Variants in UBXN2B observed in about 807,000 individuals in gnomAD.
UBXN2B encodes UBX domain-containing protein 2B.
UBXN2B carries 19 observed loss-of-function variants against 37.5 expected under a neutral mutation model. The observed-to-expected ratio is 0.51, with a 90% CI of 0.35 to 0.74. The LOEUF (loss-of-function observed/expected upper bound fraction) is 0.74. Ranked by LOEUF, UBXN2B falls within the 30% of genes least tolerant of loss-of-function variation. The probability of loss-of-function intolerance (pLI) is 0.01; values close to 1 mark genes in which losing one functional copy is unlikely to be tolerated. For synonymous variants in UBXN2B, 145 were observed against 143.8 expected, an observed-to-expected ratio of 1.01 and a Z score of -0.06; for missense variants, 370 against 393.2, an observed-to-expected ratio of 0.94 and a Z score of 0.50.
In UBXN2B at chr8:58,411,415, C is replaced by A. The variant is rs542303140; in HGVS notation, c.30C>A (p.Gly10=). 4 of 1,269,678 alleles carry A rather than the reference C, an allele frequency of 3.2e-6. No homozygotes were observed. Among genetic ancestry groups the A allele is most frequent in the East Asian group, 3.1e-5 (1 of 31,784 alleles). 78.7% of individuals were successfully genotyped at this position (1,269,678 alleles called of 1,614,324 possible). The stretch of plus-strand genomic sequence containing the variant: ...CGGAGGGCGGAGGCCCTGAGCCCGG[C>A]GAGCAGGAGAGGAGGTCTTCCGGGC... MAEGGGPEP[G]EQERRSSGPR... Residue 10 remains glycine, a synonymous_variant, in exon 1 of 8, where the codon GGC becomes GGA. Coordinates refer to ENST00000399598, the MANE Select transcript of UBXN2B (RefSeq NM_001077619.2).
rs146821159 is a variant in UBXN2B, at chr8:58,426,019, G to T, written c.189-4500G>T. ...ATTTCTCTGCTTCTTTCCCAGAGAG[G>T]TGTCCCTGAAACCACCTTTCAGAGG... On this transcript the variant is annotated intron_variant, in intron 2 of 7. Transcript: ENST00000399598. 506 of 1,430,144 alleles carry T rather than the reference G, an allele frequency of 3.5e-4. 4 individuals carry two copies. The East Asian group carries it at 8.8e-3, about 25-fold the overall frequency. 88.6% of individuals were successfully genotyped at this position (1,430,144 alleles called of 1,614,324 possible).
At chr8:58,439,276 C>G (rs1420769868) in intron 5 of UBXN2B, among the ~76,000 whole-genome samples, 2 of 152,192 alleles carry the variant, frequency 1.3e-5, no homozygotes, top group Non-Finnish European at 1.5e-5. Flanking sequence ...TCAGAACTTT[C>G]TCCGAGGAGT....
At chr8:58,424,249 G>T (rs1585601012) in intron 2 of UBXN2B, among the ~76,000 whole-genome samples, 1 of 148,970 alleles carries the variant, frequency 6.7e-6, no homozygotes, top group South Asian at 2.1e-4. Context: ...AAAAAAGCCT[G>T]TAACTAGAAT....
chr8:58,429,221 A>G (rs1370918551), intron 2 of UBXN2B, among the ~76,000 whole-genome samples: 1 of 152,166 alleles, frequency 6.6e-6, no homozygotes, highest in Admixed American at 6.5e-5. Context: ...CCTCGTTTCC[A>G]GGGCACTCCA....
At chr8:58,446,778 C>CCTTTTTTTTTT (rs1585622637) in intron 7 of UBXN2B, among the ~76,000 whole-genome samples, 1 of 14,974 alleles carries the variant, frequency 6.7e-5, no homozygotes, top group African/African-American at 2.7e-4. Context: ...GTACAACCTG[C>CCTTTTTTTTTT]ATTTTTTTTT....
chr8:58,425,046 C>T (rs1403593497), intron 2 of UBXN2B: 1 of 782,188 alleles, frequency 1.3e-6, no homozygotes, highest in Non-Finnish European at 2.4e-6. Flanking sequence ...GCTTATGGTG[C>T]ACCTCCTCCA....
intron 6 of UBXN2B, among the ~76,000 whole-genome samples, chr8:58,442,350 A>G (rs2129604590): frequency 6.6e-6 from 1 of 152,384 alleles, no homozygotes; most frequent in Non-Finnish European, 1.5e-5. Flanking sequence ...AAAGATTTAC[A>G]TTAAGAAATA....
chr8:58,416,031 T>C (rs1807772317), intron 1 of UBXN2B, among the ~76,000 whole-genome samples: 1 of 151,772 alleles, frequency 6.6e-6, no homozygotes, highest in African/African-American at 2.4e-5. Context: ...TTGGGTTTTT[T>C]TGTTTGTTTG....
chr8:58,436,145 G>T (rs188617795), intron 5 of UBXN2B, among the ~76,000 whole-genome samples: 26 of 152,262 alleles, frequency 1.7e-4, no homozygotes, highest in Non-Finnish European at 3.7e-4. Context: ...AATGTGACAG[G>T]TATAAAAACA....
intron 2 of UBXN2B, among the ~76,000 whole-genome samples, chr8:58,423,107 A>G (rs762534006): frequency 4.0e-5 from 6 of 151,848 alleles, no homozygotes; most frequent in Non-Finnish European, 8.8e-5. Context: ...CATCATCATC[A>G]TCATCATCAT....
In UBXN2B at chr8:58,448,758, G is replaced by C. The variant is rs1808742318; in HGVS notation, c.*1207G>C. On this transcript the variant is annotated 3_prime_UTR_variant, in exon 8 of 8. Transcript: ENST00000399598. ...GTTTGCATTTCTGCTGAAGCCAGAA[G>C]CTTTTCCTTCTTCCTAGACACCATT... 1 of 152,314 alleles carries C rather than the reference G, an allele frequency of 6.6e-6. No homozygotes were observed. Among genetic ancestry groups the C allele is most frequent in the Non-Finnish European group, 1.5e-5 (1 of 68,004 alleles). 9.4% of individuals were successfully genotyped at this position (152,314 alleles called of 1,614,324 possible).
chr8:58,451,276 A>C lies in UBXN2B; in HGVS notation c.*3725A>C, dbSNP rs1808794464. The C allele has an allele frequency of 6.6e-6, 1 of 152,194 alleles. No homozygotes were observed. Among genetic ancestry groups the C allele is most frequent in the Non-Finnish European group, 1.5e-5 (1 of 68,030 alleles). The allele number at this position is 152,194 out of a possible 1,614,324, so 9.4% of individuals were successfully genotyped here. A position where few individuals can be genotyped will look rare whatever the true frequency, so the allele number is the denominator to read the frequency against. On this transcript the variant is annotated 3_prime_UTR_variant, in exon 8 of 8. Coordinates refer to ENST00000399598, the MANE Select transcript of UBXN2B (RefSeq NM_001077619.2). ...ATTAGGAGAGAATTAAACATCCAGGAGGGATGAACAGTATTTCATGTGTGC... is the reference window on the plus strand; with the variant it reads ...ATTAGGAGAGAATTAAACATCCAGGCGGGATGAACAGTATTTCATGTGTGC...
chr8:58,444,967 T>C (rs983955508), intron 6 of UBXN2B, among the ~76,000 whole-genome samples: 63 of 152,206 alleles, frequency 4.1e-4, no homozygotes, highest in African/African-American at 1.5e-3. Flanking sequence ...AGAACTTTTA[T>C]ACTAGTAATA....
chr8:58,439,042 C>T (rs1364319449), intron 5 of UBXN2B, among the ~76,000 whole-genome samples: 1 of 152,124 alleles, frequency 6.6e-6, no homozygotes, highest in Admixed American at 6.5e-5. Context: ...TGCTTCTGCT[C>T]TTGCCATGTG....
At chr8:58,425,592 T>C in intron 2 of UBXN2B, 1 of 1,051,726 alleles carries the variant, frequency 9.5e-7, no homozygotes, top group Admixed American at 1.7e-5. Context: ...CGTAGAGAAG[T>C]ATGCACTCCT....
chr8:58,446,698 TG>T (rs2129604702), intron 7 of UBXN2B, among the ~76,000 whole-genome samples: 1 of 150,064 alleles, frequency 6.7e-6, no homozygotes, highest in Non-Finnish European at 1.5e-5. Context: ...AGACTCACCT[TG>T]CCACAGGCCA....
intron 2 of UBXN2B, among the ~76,000 whole-genome samples, chr8:58,418,565 G>C (rs776754496): frequency 2.0e-5 from 3 of 151,986 alleles, no homozygotes; most frequent in Non-Finnish European, 4.4e-5. Flanking sequence ...AATTTTTGTC[G>C]GGTATGCTAG....
Position 58,440,210 on chromosome 8 carries a change from A to T in UBXN2B, c.671+440A>T, listed in dbSNP as rs77913714. 3.1e-3 allele frequency among the ~76,000 whole-genome samples: 467 copies of T among 152,328 alleles called. 3 individuals are homozygous for T. Among genetic ancestry groups the T allele is most frequent in the African/African-American group, 0.011 (437 of 41,572 alleles). On this transcript the variant is annotated intron_variant, in intron 6 of 7. Transcript: ENST00000399598. ...CACCACTATATTATATGCCTCTTTC[A>T]GATTACCTGGTTTCAAAGGAGAGAA...
At chr8:58,425,306 T>C in intron 2 of UBXN2B, 1 of 1,157,584 alleles carries the variant, frequency 8.6e-7, no homozygotes, top group Non-Finnish European at 1.3e-6. Context: ...TCTTTCGTTG[T>C]CATGACAATC....
Sources: allele counts gnomAD v4.1 joint callset (sites outside exome capture counted in the v4.1 genomes callset), GRCh38; gene constraint gnomAD v4.1.1; transcripts MANE v1.5; gene names NCBI Gene and HGNC (gene_info 2026-07-23, HGNC 2026-07-21).